The following CCSER1 variants were observed in gnomAD, a reference collection of about 807,000 sequenced individuals.
The protein encoded by CCSER1 is serine-rich coiled-coil domain-containing protein 1.
In CCSER1, 41 loss-of-function variants were observed where a neutral mutation model predicts 82.0. The ratio of observed to expected loss-of-function variants is 0.50; its 90% CI spans 0.39 to 0.65. The LOEUF (loss-of-function observed/expected upper bound fraction) is 0.65. Among genes scored for constraint, CCSER1 ranks in the 30% least tolerant of loss-of-function variants. The probability of loss-of-function intolerance (pLI) is 0.00; values close to 1 mark genes in which losing one functional copy is unlikely to be tolerated. For synonymous variants in CCSER1, 414 were observed against 383.9 expected, an observed-to-expected ratio of 1.08 and a Z score of -0.92; for missense variants, 1,119 against 1,064.2, an observed-to-expected ratio of 1.05 and a Z score of -0.72.
intron 6 of CCSER1, among the ~76,000 whole-genome samples, chr4:90,721,780 A>G (rs920048708): frequency 1.3e-5 from 2 of 151,720 alleles, no homozygotes; most frequent in Non-Finnish European, 3.0e-5. Context: ...TGAAAAGCAA[A>G]TGGGAAAACA....
chr4:91,361,268 G>T (rs1211318157), intron 10 of CCSER1, among the ~76,000 whole-genome samples: 1 of 151,658 alleles, frequency 6.6e-6, no homozygotes, highest in South Asian at 2.1e-4. Context: ...TCCTTTTATG[G>T]TCCAGCACAA....
At chr4:90,458,267 T>C (rs1011076581) in intron 4 of CCSER1, among the ~76,000 whole-genome samples, 4 of 152,040 alleles carry the variant, frequency 2.6e-5, no homozygotes, top group Non-Finnish European at 5.9e-5. Flanking sequence ...CCGCCCCAGC[T>C]ACACCTCCCA....
At chr4:91,095,069 TG>T (rs34697897) in intron 10 of CCSER1, among the ~76,000 whole-genome samples, 2 of 152,138 alleles carry the variant, frequency 1.3e-5, no homozygotes, top group Non-Finnish European at 2.9e-5. Context: ...AGAGGGCCAC[TG>T]GGGTGGTTAC....
intron 6 of CCSER1, among the ~76,000 whole-genome samples, chr4:90,717,743 C>CAT (rs72440111): frequency 5.4e-4 from 78 of 145,074 alleles, no homozygotes; most frequent in African/African-American, 1.6e-3. Context: ...TATATATACA[C>CAT]ATATATATAT....
intron 10 of CCSER1, among the ~76,000 whole-genome samples, chr4:91,359,093 G>T (rs1226686970): frequency 1.3e-5 from 2 of 152,050 alleles, no homozygotes; most frequent in South Asian, 2.1e-4. Context: ...CCCTTTTAAG[G>T]GCTCACAACA....
chr4:91,092,989 C>T lies in CCSER1; in HGVS notation c.2217+6995C>T, dbSNP rs560328318. On this transcript the variant is annotated intron_variant, in intron 10 of 10. Transcript: ENST00000509176. ...AGAATTTCTTGTTGATATTTTATGT[C>T]CTTTCCCCCGAATTTAATAGGCCTT... Among the ~76,000 whole-genome samples the T allele has an allele frequency of 5.3e-5, 8 of 152,238 alleles. No individual in the cohort carries two copies. The South Asian group carries it at 1.7e-3, about 32-fold the overall frequency.
At chr4:90,693,997 A>G (rs1736524397) in intron 6 of CCSER1, among the ~76,000 whole-genome samples, 1 of 151,932 alleles carries the variant, frequency 6.6e-6, no homozygotes, top group Non-Finnish European at 1.5e-5. Context: ...ACAAGAGCAA[A>G]CACATGTTTA....
chr4:90,482,319 C>T (rs1230499981), intron 5 of CCSER1, among the ~76,000 whole-genome samples: 1 of 152,110 alleles, frequency 6.6e-6, no homozygotes, highest in South Asian at 2.1e-4. Flanking sequence ...TTTCAAAAAA[C>T]CAGCTCCTGG....
chr4:91,119,244 T>C (rs1726885375), intron 10 of CCSER1, among the ~76,000 whole-genome samples: 1 of 152,062 alleles, frequency 6.6e-6, no homozygotes. Context: ...TAGAATAGAG[T>C]ATTATTCTTT....
chr4:90,462,425 T>C (rs1198017127), intron 4 of CCSER1, among the ~76,000 whole-genome samples: 1 of 152,184 alleles, frequency 6.6e-6, no homozygotes, highest in African/African-American at 2.4e-5. Context: ...ACTGATTGAC[T>C]CAGACCCATC....
intron 10 of CCSER1, among the ~76,000 whole-genome samples, chr4:91,475,448 A>G (rs781402951): frequency 2.0e-5 from 3 of 151,798 alleles, no homozygotes; most frequent in African/African-American, 4.8e-5. Context: ...CAATATCCCA[A>G]ACTTGTTATA....
At chr4:91,454,856 A>G (rs2149423643) in intron 10 of CCSER1, among the ~76,000 whole-genome samples, 1 of 152,072 alleles carries the variant, frequency 6.6e-6, no homozygotes, top group Non-Finnish European at 1.5e-5. Flanking sequence ...TAGACACAGA[A>G]AATTCCCTTG....
intron 9 of CCSER1, among the ~76,000 whole-genome samples, chr4:90,981,979 C>T (rs1163587394): frequency 6.6e-6 from 1 of 151,792 alleles, no homozygotes; most frequent in Non-Finnish European, 1.5e-5. Context: ...CGAATTCTTC[C>T]TGCTGACTGG....
intron 1 of CCSER1, among the ~76,000 whole-genome samples, chr4:90,276,356 T>C (rs1328056624): frequency 6.8e-6 from 1 of 147,298 alleles, no homozygotes; most frequent in Non-Finnish European, 1.5e-5. Context: ...TTCTTTTTTT[T>C]TTTTTTTGGA....
intron 10 of CCSER1, among the ~76,000 whole-genome samples, chr4:91,177,682 T>G (rs1389903510): frequency 6.6e-6 from 1 of 152,230 alleles, no homozygotes; most frequent in Non-Finnish European, 1.5e-5. Context: ...TTAACATTTT[T>G]AATACATCTA....
intron 3 of CCSER1, among the ~76,000 whole-genome samples, chr4:90,313,429 C>G (rs1735650515): frequency 6.6e-6 from 1 of 152,156 alleles, no homozygotes; most frequent in Non-Finnish European, 1.5e-5. Context: ...CACACTTACT[C>G]CAGTACCACT....
At chr4:90,744,907 G>T (rs546394416) in intron 7 of CCSER1, among the ~76,000 whole-genome samples, 1 of 151,910 alleles carries the variant, frequency 6.6e-6, no homozygotes, top group Non-Finnish European at 1.5e-5. Context: ...GGTTGGACTA[G>T]TGATCTAGAC....
chr4:90,299,936 C>T (rs1307124956), intron 1 of CCSER1, among the ~76,000 whole-genome samples: 2 of 152,006 alleles, frequency 1.3e-5, no homozygotes, highest in Non-Finnish European at 2.9e-5. Flanking sequence ...CCATCATTTT[C>T]TTAATGTTAA....
At chr4:91,511,010 C>T (rs2102789) in intron 10 of CCSER1, among the ~76,000 whole-genome samples, 115,736 of 152,084 alleles carry the variant, frequency 0.76, 44,700 homozygotes, top group African/African-American at 0.89. Flanking sequence ...TTGTATATGG[C>T]GATAAAAAAG....
Sources: gnomAD v4.1 joint callset for allele counts (sites outside exome capture counted in the v4.1 genomes callset) on GRCh38, gnomAD v4.1.1 for gene constraint, MANE v1.5 for transcripts, NCBI Gene and HGNC (gene_info 2026-07-23, HGNC 2026-07-21) for gene names.